Variants in DNAH7 observed in about 807,000 individuals in gnomAD.
The protein encoded by DNAH7 is dynein axonemal heavy chain 7.
In DNAH7, 397 loss-of-function variants were observed where a neutral mutation model predicts 444.6. That is an observed-to-expected ratio of 0.89 (90% CI 0.82 to 0.97). DNAH7 has a LOEUF of 0.97. Among genes scored for constraint, DNAH7 ranks in the 50% least tolerant of loss-of-function variants. DNAH7 has a pLI of 0.00. For synonymous variants in DNAH7, 1,636 were observed against 1,624.4 expected, an observed-to-expected ratio of 1.01 and a Z score of -0.17; for missense variants, 4,902 against 4,800.8, an observed-to-expected ratio of 1.02 and a Z score of -0.62.
chr2:196,047,759 T>G (rs1474659074), intron 4 of DNAH7, among the ~76,000 whole-genome samples: 1 of 151,720 alleles, frequency 6.6e-6, no homozygotes, highest in African/African-American at 2.4e-5. Context: ...TTCTATTATA[T>G]TTACATATGA....
chr2:195,898,733 G>A (rs1299779721), intron 28 of DNAH7, among the ~76,000 whole-genome samples: 5 of 152,102 alleles, frequency 3.3e-5, no homozygotes, highest in Admixed American at 1.3e-4. Flanking sequence ...GAGTGGAGAC[G>A]GCTGGTCATG....
chr2:195,900,519 T>C lies in DNAH7; in HGVS notation c.4336-25A>G, dbSNP rs936439627. The C allele has an allele frequency of 3.8e-6, 6 of 1,598,952 alleles. No homozygotes were observed. In the African/African-American group the frequency reaches 8.0e-5, roughly 21 times the overall value. ...CCTATGGGTAGGTAGAAAGTTACTT[T>C]TAAAAGGATCATCATAAAATAAGCT... is the stretch of plus-strand genomic sequence containing the variant. On this transcript the variant is annotated intron_variant, in intron 27 of 64. Transcript: ENST00000312428.
chr2:195,896,986 T>C (rs1256264517), intron 29 of DNAH7, among the ~76,000 whole-genome samples: 3 of 152,156 alleles, frequency 2.0e-5, no homozygotes, highest in Admixed American at 6.5e-5. Context: ...TAGATTCCTA[T>C]ATCTGGAAAT....
chr2:195,740,661 A>ACACT (rs1692973013), intron 64 of DNAH7, 105 bp downstream of exon 64: 1 of 196,768 alleles, frequency 5.1e-6, no homozygotes, highest in Non-Finnish European at 9.8e-6. Flanking sequence ...ACACACACAC[A>ACACT]TATGTATACA....
At chr2:195,995,815 T>C (rs1001879421) in intron 12 of DNAH7, 2 of 152,888 alleles carry the variant, frequency 1.3e-5, no homozygotes, top group Non-Finnish European at 2.9e-5. Context: ...TATTTCCAAG[T>C]AAGGTAATGT....
At position 195,824,157 on chromosome 2, in the gene DNAH7, G is replaced by A. The variant is rs4142825; in HGVS notation, c.9291+98C>T. 0.014 allele frequency: 16,262 copies of A among 1,178,232 alleles called. 1,371 individuals are homozygous for A. The East Asian group carries it at 0.24, about 18-fold the overall frequency. The allele number at this position is 1,178,232 out of a possible 1,614,324, so 73.0% of individuals were successfully genotyped here. ...GAAATACCAAAATAAGGCAAAATCCGTTTTTCTTAGGAAGACTTGTTCTTC... is the reference window on the plus strand; with the variant it reads ...GAAATACCAAAATAAGGCAAAATCCATTTTTCTTAGGAAGACTTGTTCTTC... On this transcript the variant is annotated intron_variant, in intron 49 of 64. Transcript: ENST00000312428.
intron 1 of DNAH7, among the ~76,000 whole-genome samples, chr2:196,060,048 T>C (rs1170731615): frequency 2.0e-5 from 3 of 152,090 alleles, no homozygotes; most frequent in Non-Finnish European, 4.4e-5. Flanking sequence ...ACCCCGTCCG[T>C]ACTAAAAATA....
chr2:195,905,165 C>G (rs1183460974), intron 27 of DNAH7: 1 of 152,166 alleles, frequency 6.6e-6, no homozygotes, highest in Non-Finnish European at 1.5e-5. Context: ...TGGCTCCCAG[C>G]TTTCTATAAC....
chr2:196,027,857 G>A lies in DNAH7; in HGVS notation c.486+103C>T, dbSNP rs538896157. On this transcript the variant is annotated intron_variant, in intron 6 of 64. Coordinates refer to ENST00000312428, the MANE Select transcript of DNAH7 (RefSeq NM_018897.3). The stretch of plus-strand genomic sequence containing the variant: ...CTCTGTATTTATTCCTATGTCCACA[G>A]AGTTTCACAAAGGAGAAGCACAGAG... 7.2e-5 allele frequency: 70 copies of A among 978,354 alleles called. No homozygotes were observed. The East Asian group carries it at 1.7e-3, about 23-fold the overall frequency. 60.6% of individuals were successfully genotyped at this position (978,354 alleles called of 1,614,324 possible).
intron 19 of DNAH7, among the ~76,000 whole-genome samples, chr2:195,955,518 T>C (rs1690587830): frequency 6.6e-6 from 1 of 152,112 alleles, no homozygotes; most frequent in South Asian, 2.1e-4. Flanking sequence ...TAAGCAAAAG[T>C]AAATGAAGTG....
intron 49 of DNAH7, 69 bp downstream of exon 49, chr2:195,824,186 T>C: frequency 7.3e-7 from 1 of 1,377,674 alleles, no homozygotes. Context: ...GTTCTTCTTA[T>C]GACTCAGGAG....
intron 8 of DNAH7, among the ~76,000 whole-genome samples, chr2:196,022,701 C>T (rs1695452995): frequency 6.6e-6 from 1 of 152,192 alleles, no homozygotes; most frequent in South Asian, 2.1e-4. Context: ...TCAAAGTCAT[C>T]CGTAAGGGTT....
At chr2:195,865,077 G>A (rs1700250812) in intron 40 of DNAH7, 56 bp from the exon 41 acceptor site, 1 of 1,488,864 alleles carries the variant, frequency 6.7e-7, no homozygotes, top group Admixed American at 2.2e-5. Flanking sequence ...TTAAGAAAGT[G>A]TTATTATATC....
Position 195,864,953 on chromosome 2 carries a change from T to C in DNAH7, c.6702A>G (p.Gln2234=), listed in dbSNP as rs2125096707. The change falls in exon 41 of 65, where the codon CAA becomes CAG. Residue 2234 remains glutamine (Q), a synonymous_variant. Transcript: ENST00000312428. ...CATACATGTAGTTTCTCAAAATTTCTTGAATGTAGTTGATGAGCCAGCTTC... is the reference window on the plus strand; with the variant it reads ...CATACATGTAGTTTCTCAAAATTTCCTGAATGTAGTTGATGAGCCAGCTTC... ...TDRSWLINYI[Q]EILRNYMYED... The C allele has an allele frequency of 6.2e-7, 1 of 1,608,582 alleles. No individual in the cohort carries two copies. Among genetic ancestry groups the C allele is most frequent in the East Asian group, 2.2e-5 (1 of 44,880 alleles).
In DNAH7 at chr2:195,948,271, G is replaced by T. The variant is rs574501297; in HGVS notation, c.3078+8990C>A. On this transcript the variant is annotated intron_variant, in intron 19 of 64. Coordinates refer to ENST00000312428, the MANE Select transcript of DNAH7 (RefSeq NM_018897.3). ...GTTTACTCTGATGATAGTTTATTTT[G>T]CTGTGCAGAAGCTCTTTAGTTTAAT... Among the ~76,000 whole-genome samples, 11 of 152,062 alleles carry T rather than the reference G, an allele frequency of 7.2e-5. No individual in the cohort carries two copies. The East Asian group carries it at 2.1e-3, about 29-fold the overall frequency.
intron 54 of DNAH7, among the ~76,000 whole-genome samples, chr2:195,802,338 C>T (rs1559107537): frequency 6.6e-6 from 1 of 152,182 alleles, no homozygotes; most frequent in Non-Finnish European, 1.5e-5. Flanking sequence ...TGGTGAAACC[C>T]TGTCTCTACT....
At chr2:196,045,801 A>G (rs565078874) in intron 5 of DNAH7, among the ~76,000 whole-genome samples, 1 of 152,126 alleles carries the variant, frequency 6.6e-6, no homozygotes, top group Non-Finnish European at 1.5e-5. Flanking sequence ...TAAAGGAAGA[A>G]TAGAGAAAAT....
chr2:195,845,292 T>G (rs1373507680), intron 46 of DNAH7, 127 bp from the exon 47 acceptor site: 4 of 675,404 alleles, frequency 5.9e-6, no homozygotes, highest in Non-Finnish European at 9.0e-6. Context: ...ACCTCAAAAA[T>G]GATTTCTGTT....
chr2:195,862,050 T>C, intron 41 of DNAH7, 104 bp from the exon 42 acceptor site: 1 of 848,646 alleles, frequency 1.2e-6, no homozygotes, highest in Non-Finnish European at 1.9e-6. Context: ...TGAAGGGGAA[T>C]AGTGTGAGGG....
Sources: gnomAD v4.1 joint callset for allele counts (sites outside exome capture counted in the v4.1 genomes callset) on GRCh38, gnomAD v4.1.1 for gene constraint, MANE v1.5 for transcripts, NCBI Gene and HGNC (gene_info 2026-07-23, HGNC 2026-07-21) for gene names.